ZBTB16: variants seen among roughly 807,000 people sequenced by gnomAD.
The protein encoded by ZBTB16 is zinc finger and BTB domain containing 16, also known as zinc finger and BTB domain-containing protein 16.
Under a neutral mutation model 56.8 loss-of-function variants are expected in ZBTB16, and 8 were observed. That is an observed-to-expected ratio of 0.14 (90% CI 0.08 to 0.25). ZBTB16 has a LOEUF of 0.25. ZBTB16 is among the 10% of genes least tolerant of loss of function. The pLI is 1.00. For missense variants in ZBTB16, 625 were observed against 903.0 expected, an observed-to-expected ratio of 0.69 and a Z score of 3.95; for synonymous variants, 363 against 368.5, an observed-to-expected ratio of 0.98 and a Z score of 0.17.
rs370267215 is a variant in ZBTB16 at position 114,201,949 on chromosome 11, G to A, written c.1453+14911G>A. 2.2e-4 allele frequency among the ~76,000 whole-genome samples: 34 copies of A among 152,284 alleles called. No homozygotes were observed. The East Asian group carries it at 5.4e-3, about 24-fold the overall frequency. ...AGTCTCATTCTGTGTATGGAAGGAG[G>A]ACTTCTAAAAAGAAAAGGCTGCAAG... On this transcript the variant is annotated intron_variant, in intron 4 of 6. Transcript: ENST00000335953.
intron 6 of ZBTB16, 40 bp downstream of exon 6, chr11:114,247,405 C>T (rs1176498552): frequency 6.2e-7 from 1 of 1,613,452 alleles, no homozygotes; most frequent in East Asian, 2.2e-5. Flanking sequence ...GGCTCTGGGA[C>T]CTGGGCGGAG....
chr11:114,200,571 A>G (rs1486413874), intron 4 of ZBTB16, among the ~76,000 whole-genome samples: 1 of 152,216 alleles, frequency 6.6e-6, no homozygotes, highest in Non-Finnish European at 1.5e-5. Flanking sequence ...AATATGACTC[A>G]TCCAGTGGCA....
intron 2 of ZBTB16, among the ~76,000 whole-genome samples, chr11:114,112,180 G>A (rs764639445): frequency 7.2e-5 from 11 of 151,996 alleles, no homozygotes; most frequent in African/African-American, 2.7e-4. Context: ...GTTCTCTTTC[G>A]ATATAAATCA....
intron 4 of ZBTB16, among the ~76,000 whole-genome samples, chr11:114,198,745 G>T (rs1480794850): frequency 1.3e-5 from 2 of 152,136 alleles, no homozygotes; most frequent in Non-Finnish European, 2.9e-5. Context: ...AGTCTACGCT[G>T]GCACATCATT....
At chr11:114,092,016 G>A (rs533883515) in intron 2 of ZBTB16, among the ~76,000 whole-genome samples, 3 of 152,338 alleles carry the variant, frequency 2.0e-5, no homozygotes, top group South Asian at 2.1e-4. Context: ...CCCAGTGGGC[G>A]TGGGCAGTAG....
intron 2 of ZBTB16, among the ~76,000 whole-genome samples, chr11:114,150,589 T>G (rs2134937155): frequency 6.6e-6 from 1 of 152,342 alleles, no homozygotes; most frequent in East Asian, 1.9e-4. Context: ...AACTTTGCAT[T>G]CATCCCTTCC....
chr11:114,225,239 G>A (rs961636487), intron 4 of ZBTB16, among the ~76,000 whole-genome samples: 1 of 152,132 alleles, frequency 6.6e-6, no homozygotes, highest in African/African-American at 2.4e-5. Context: ...CTGGATGGGA[G>A]AATTTAAAAG....
chr11:114,085,739 G>C (rs529048967), intron 2 of ZBTB16, among the ~76,000 whole-genome samples: 2 of 152,222 alleles, frequency 1.3e-5, no homozygotes, highest in African/African-American at 4.8e-5. Context: ...GTGTATGGGT[G>C]GGGGCAGGTG....
chr11:114,190,233 T>A (rs932155275), intron 4 of ZBTB16, among the ~76,000 whole-genome samples: 1 of 152,162 alleles, frequency 6.6e-6, no homozygotes, highest in Non-Finnish European at 1.5e-5. Context: ...CTAAAATTGA[T>A]TGTGGTGATG....
At chr11:114,144,926 A>G (rs1311714752) in intron 2 of ZBTB16, among the ~76,000 whole-genome samples, 1 of 152,190 alleles carries the variant, frequency 6.6e-6, no homozygotes, top group Non-Finnish European at 1.5e-5. Flanking sequence ...TTGAAATCAC[A>G]TATGTGAAAG....
At chr11:114,165,745 C>G (rs978912299) in intron 3 of ZBTB16, among the ~76,000 whole-genome samples, 1 of 152,108 alleles carries the variant, frequency 6.6e-6, no homozygotes, top group Non-Finnish European at 1.5e-5. Flanking sequence ...GGGTGAACCA[C>G]TTGAGAGGTT....
Position 114,255,512 on chromosome 11 carries a change from C to T in ZBTB16, c.*4957C>T, listed in dbSNP as rs1944987036. ...TCTGGCTCCCCGTCTCATTTCTGTC[C>T]ACTCCATTCTCTCTCCCTCTCTCCT... On this transcript the variant is annotated 3_prime_UTR_variant, in exon 7 of 7. Coordinates refer to ENST00000335953, the MANE Select transcript of ZBTB16 (RefSeq NM_006006.6). Among the ~76,000 whole-genome samples, 1 of 150,290 alleles carries T rather than the reference C, an allele frequency of 6.7e-6. No homozygotes were observed. Among genetic ancestry groups the T allele is most frequent in the African/African-American group, 2.5e-5 (1 of 40,380 alleles).
At chr11:114,083,798 C>T (rs549212673) in intron 2 of ZBTB16, among the ~76,000 whole-genome samples, 2 of 152,134 alleles carry the variant, frequency 1.3e-5, no homozygotes, top group Non-Finnish European at 2.9e-5. Context: ...GCCGCCCCCC[C>T]GCCCCACCGC....
chr11:114,192,566 T>C (rs1943522922), intron 4 of ZBTB16, among the ~76,000 whole-genome samples: 1 of 152,198 alleles, frequency 6.6e-6, no homozygotes, highest in Non-Finnish European at 1.5e-5. Flanking sequence ...AAAACATGCC[T>C]CCTGACTGGC....
chr11:114,248,870 T>C (rs1450456397), intron 6 of ZBTB16, among the ~76,000 whole-genome samples: 1 of 152,186 alleles, frequency 6.6e-6, no homozygotes, highest in Non-Finnish European at 1.5e-5. Context: ...CAGTGACTAT[T>C]GTAAATAGCT....
chr11:114,136,889 C>T (rs1941810717), intron 2 of ZBTB16, among the ~76,000 whole-genome samples: 1 of 152,134 alleles, frequency 6.6e-6, no homozygotes, highest in African/African-American at 2.4e-5. Flanking sequence ...AGCTCTCATT[C>T]CTTAGTCACA....
intron 2 of ZBTB16, among the ~76,000 whole-genome samples, chr11:114,107,915 C>CT (rs397734160): frequency 0.081 from 11,672 of 143,522 alleles, 1,261 homozygotes; most frequent in African/African-American, 0.25. Flanking sequence ...AAATTTGGGA[C>CT]TTTTTTTTTT....
chr11:114,163,150 ATT>A (rs1942639106), intron 3 of ZBTB16, among the ~76,000 whole-genome samples: 1 of 151,804 alleles, frequency 6.6e-6, no homozygotes, highest in Non-Finnish European at 1.5e-5. Flanking sequence ...TGAAAAATAC[ATT>A]TCTTTCCTCT....
chr11:114,224,419 G>A (rs1944292161), intron 4 of ZBTB16, among the ~76,000 whole-genome samples: 1 of 152,100 alleles, frequency 6.6e-6, no homozygotes, highest in African/African-American at 2.4e-5. Context: ...TTTTTTTATT[G>A]TTATCGTTAG....
Sources: allele counts gnomAD v4.1 joint callset (sites outside exome capture counted in the v4.1 genomes callset), GRCh38; gene constraint gnomAD v4.1.1; transcripts MANE v1.5; gene names NCBI Gene and HGNC (gene_info 2026-07-23, HGNC 2026-07-21).